CLEC4A: variants seen among roughly 807,000 people sequenced by gnomAD.
CLEC4A encodes the protein C-type lectin domain family 4 member A.
CLEC4A carries 27 observed loss-of-function variants against 32.7 expected under a neutral mutation model. That is an observed-to-expected ratio of 0.83 (90% CI 0.61 to 1.14). The LOEUF (loss-of-function observed/expected upper bound fraction) is 1.14, where lower values mean the gene tolerates loss of function less well. Among genes scored for constraint, CLEC4A ranks in the 50% most tolerant of loss-of-function variants. The pLI is 0.00. For missense variants in CLEC4A, 253 were observed against 274.6 expected (o/e 0.92, Z 0.55); for synonymous variants, 89 against 93.7 (o/e 0.95, Z 0.29).
chr12:8,130,212 A>T (rs923300348), intron 3 of CLEC4A, among the ~76,000 whole-genome samples: 1 of 152,248 alleles, frequency 6.6e-6, no homozygotes, highest in African/African-American at 2.4e-5. Context: ...GAAAAAGGTT[A>T]CATTGCTTTT....
Position 8,138,504 on chromosome 12 carries a change from G to T in CLEC4A, c.*217G>T. ...TTTTTCATGTGCCAGAGCCTGTACT[G>T]GAGGCCCCCATTGTGCACACATGGA... On this transcript the variant is annotated 3_prime_UTR_variant, in exon 6 of 6. Coordinates refer to ENST00000229332, the MANE Select transcript of CLEC4A (RefSeq NM_016184.4). 1 of 502,196 alleles carries T rather than the reference G, an allele frequency of 2.0e-6. No homozygotes were observed. Among genetic ancestry groups the T allele is most frequent in the Non-Finnish European group, 3.5e-6 (1 of 287,906 alleles). The allele number at this position is 502,196 out of a possible 1,614,324, so 31.1% of individuals were successfully genotyped here. A position where few individuals can be genotyped will look rare whatever the true frequency, so the allele number is the denominator to read the frequency against.
At chr12:8,123,998 G>A in intron 1 of CLEC4A, 38 bp downstream of exon 1, 1 of 1,312,616 alleles carries the variant, frequency 7.6e-7, no homozygotes, top group Non-Finnish European at 1.1e-6. Context: ...TGAATGACGA[G>A]GTGAAGGATG....
At chr12:8,138,037 A>G (rs543059192) in intron 5 of CLEC4A, 103 bp from the exon 6 acceptor site, 339 of 1,279,766 alleles carry the variant, frequency 2.6e-4, no homozygotes, top group Non-Finnish European at 3.3e-4. Context: ...GGCATATCTG[A>G]CCCTATGTTC....
the CLEC4A span, among the ~76,000 whole-genome samples, chr12:8,113,377 T>C: frequency 1.2e-4 from 19 of 152,304 alleles, no homozygotes; most frequent in South Asian, 3.9e-3. Context: ...TGTTGGTCCA[T>C]TGTCCATATT....
the CLEC4A span, among the ~76,000 whole-genome samples, chr12:8,113,610 A>G: frequency 6.6e-6 from 1 of 152,158 alleles, no homozygotes; most frequent in Admixed American, 6.6e-5. Flanking sequence ...CCTCCTGCCC[A>G]TGCTCAGAAT....
chr12:8,129,445 G>A (rs974969017), intron 3 of CLEC4A, 83 bp downstream of exon 3: 11 of 912,334 alleles, frequency 1.2e-5, no homozygotes, highest in Non-Finnish European at 1.7e-5. Flanking sequence ...AGATTCCCAG[G>A]TAGATCATAC....
chr12:8,108,413 G>GT, the CLEC4A span, among the ~76,000 whole-genome samples: 2 of 152,072 alleles, frequency 1.3e-5, no homozygotes, highest in Non-Finnish European at 2.9e-5. Context: ...TCATGTTTTA[G>GT]TTTTTTTGTA....
chr12:8,128,822 T>G (rs17728930), intron 2 of CLEC4A, among the ~76,000 whole-genome samples: 15,984 of 152,002 alleles, frequency 0.11, 1,098 homozygotes, highest in Non-Finnish European at 0.14. Flanking sequence ...AGGAAGAAAA[T>G]AATGCCCTCT....
upstream of CLEC4A, chr12:8,123,535 A>G (rs1374538113): frequency 2.1e-5 from 4 of 186,174 alleles, no homozygotes; most frequent in Admixed American, 6.0e-5. Flanking sequence ...TTCTCCAGAA[A>G]GACTCTAAGT....
At chr12:8,135,042 A>T (rs1478060925) in intron 3 of CLEC4A, among the ~76,000 whole-genome samples, 762 of 7,080 alleles carry the variant, frequency 0.11, 22 homozygotes, top group East Asian at 0.15. Context: ...TAACAATTTT[A>T]TTATCTTTTT....
intron 3 of CLEC4A, among the ~76,000 whole-genome samples, chr12:8,135,046 TC>T (rs1242458763): frequency 8.2e-5 from 6 of 73,458 alleles, no homozygotes; most frequent in Non-Finnish European, 1.1e-4. Flanking sequence ...AATTTTATTA[TC>T]TTTTTTTTTT....
At chr12:8,119,314 T>C (rs1353441096), upstream of CLEC4A, among the ~76,000 whole-genome samples, 2 of 152,220 alleles carry the variant, frequency 1.3e-5, no homozygotes, top group African/African-American at 4.8e-5. Context: ...AACTTCTGCC[T>C]CCCAGGTTCA....
intron 3 of CLEC4A, among the ~76,000 whole-genome samples, chr12:8,131,357 A>G (rs926257012): frequency 2.0e-5 from 3 of 152,166 alleles, no homozygotes; most frequent in Admixed American, 6.5e-5. Context: ...GGATTATGGT[A>G]TCAGTCATGG....
intron 3 of CLEC4A, chr12:8,134,360 CT>C (rs781512476): frequency 3.1e-4 from 498 of 1,612,788 alleles, no homozygotes; most frequent in Non-Finnish European, 3.9e-4. Flanking sequence ...CCACATCGGC[CT>C]GTGTATATCC....
the CLEC4A span, among the ~76,000 whole-genome samples, chr12:8,116,192 C>T: frequency 6.6e-6 from 1 of 152,056 alleles, no homozygotes; most frequent in Non-Finnish European, 1.5e-5. Flanking sequence ...GAACTCCTGA[C>T]CTCAAATGAC....
At chr12:8,134,988 TTTTTTTTAA>T in intron 3 of CLEC4A, 1 of 261,754 alleles carries the variant, frequency 3.8e-6, no homozygotes, top group Non-Finnish European at 6.1e-6. Flanking sequence ...TGTTTTTTGT[TTTTTTTTAA>T]TCATGGCTGC....
chr12:8,137,954 C>A (rs187811410), intron 5 of CLEC4A, among the ~76,000 whole-genome samples, 186 bp from the exon 6 acceptor site: 41 of 152,260 alleles, frequency 2.7e-4, no homozygotes, highest in Admixed American at 1.8e-3. Flanking sequence ...GACATAGGCA[C>A]AGTTTTCAAA....
At chr12:8,107,792 T>G in the CLEC4A span, among the ~76,000 whole-genome samples, 1 of 151,864 alleles carries the variant, frequency 6.6e-6, no homozygotes, top group East Asian at 1.9e-4. Flanking sequence ...TTTCCTTTAT[T>G]AGTCTAGCTA....
At chr12:8,134,960 T>G in intron 3 of CLEC4A, 1 of 1,048,220 alleles carries the variant, frequency 9.5e-7, no homozygotes, top group Non-Finnish European at 1.2e-6. Context: ...TGTCTGTATC[T>G]TCTTGTTGAA....
Sources: allele counts gnomAD v4.1 joint callset (sites outside exome capture counted in the v4.1 genomes callset), GRCh38; gene constraint gnomAD v4.1.1; transcripts MANE v1.5; gene names NCBI Gene and HGNC (gene_info 2026-07-23, HGNC 2026-07-21).